The following ICE2 variants were observed in gnomAD, a reference collection of about 807,000 sequenced individuals.
The protein encoded by ICE2 is little elongation complex subunit 2.
A neutral mutation model predicts 105.4 loss-of-function variants in ICE2; 87 were observed. The ratio of observed to expected loss-of-function variants is 0.83; its 90% CI spans 0.69 to 0.99. ICE2 has a LOEUF of 0.99. Among genes scored for constraint, ICE2 ranks in the 50% least tolerant of loss-of-function variants. The pLI is 0.00. For missense variants in ICE2, 1,323 were observed against 1,146.7 expected, an observed-to-expected ratio of 1.15 and a Z score of -2.22; for synonymous variants, 399 against 392.0, an observed-to-expected ratio of 1.02 and a Z score of -0.21.
intron 6 of ICE2, 93 bp downstream of exon 6, chr15:60,456,562 AAT>A (rs1319480770): frequency 3.2e-5 from 2 of 63,102 alleles, no homozygotes; most frequent in African/African-American, 8.5e-5. Flanking sequence ...TAAATAAATA[AAT>A]AAATATATAT....
chr15:60,463,071 T>C (rs1853103814), intron 5 of ICE2, among the ~76,000 whole-genome samples: 2 of 152,202 alleles, frequency 1.3e-5, no homozygotes, highest in South Asian at 4.1e-4. Context: ...TAGATGATTA[T>C]GCCTAATTGT....
chr15:60,445,889 GAAAT>G (rs1418730154), intron 11 of ICE2: 2 of 498,186 alleles, frequency 4.0e-6, no homozygotes, highest in Non-Finnish European at 5.2e-6. Flanking sequence ...AAGAATCAAA[GAAAT>G]AAAACCTTGA....
At chr15:60,467,291 G>A (rs1003911350) in intron 4 of ICE2, among the ~76,000 whole-genome samples, 3 of 151,824 alleles carry the variant, frequency 2.0e-5, no homozygotes, top group African/African-American at 7.3e-5. Flanking sequence ...ACATACATCC[G>A]AATAGAAAAA....
intron 11 of ICE2, among the ~76,000 whole-genome samples, chr15:60,446,772 C>T (rs1419225190): frequency 6.6e-6 from 1 of 152,120 alleles, no homozygotes; most frequent in Non-Finnish European, 1.5e-5. Context: ...AGTCTGGATT[C>T]ACCTGATCCC....
chr15:60,468,375 A>C (rs2064490072), intron 3 of ICE2, 53 bp from the exon 4 acceptor site: 1 of 1,346,960 alleles, frequency 7.4e-7, no homozygotes, highest in African/African-American at 1.5e-5. Flanking sequence ...GAAGATTACT[A>C]TCATGGAACT....
At chr15:60,467,960 A>T (rs535887346) in intron 4 of ICE2, 101 bp downstream of exon 4, 162 of 1,063,458 alleles carry the variant, frequency 1.5e-4, no homozygotes, top group Non-Finnish European at 1.7e-4. Context: ...TTTCCATTTT[A>T]AAAAAAATGA....
At chr15:60,477,236 C>A (rs2064786782) in intron 2 of ICE2, among the ~76,000 whole-genome samples, 1 of 152,158 alleles carries the variant, frequency 6.6e-6, no homozygotes, top group Non-Finnish European at 1.5e-5. Flanking sequence ...TAAGTTTCTG[C>A]ACATCATATA....
At chr15:60,474,061 C>G (rs2141169854) in intron 3 of ICE2, among the ~76,000 whole-genome samples, 1 of 152,148 alleles carries the variant, frequency 6.6e-6, no homozygotes. Context: ...TGTGCCACTA[C>G]ACACAGCAAA....
intron 11 of ICE2, 132 bp downstream of exon 11, chr15:60,447,838 A>G (rs527650023): frequency 2.2e-4 from 162 of 734,018 alleles, no homozygotes; most frequent in Non-Finnish European, 3.1e-4. Flanking sequence ...TAAAAACAAA[A>G]AACAAAAAAC....
At chr15:60,466,490 AAC>A in intron 5 of ICE2, 102 bp downstream of exon 5, 1 of 1,332,978 alleles carries the variant, frequency 7.5e-7, no homozygotes, top group Non-Finnish European at 1.0e-6. Flanking sequence ...TTAAATTGGT[AAC>A]ACTGACAGTT....
intron 3 of ICE2, among the ~76,000 whole-genome samples, chr15:60,471,531 A>G (rs2064592968): frequency 6.6e-6 from 1 of 152,228 alleles, no homozygotes; most frequent in Non-Finnish European, 1.5e-5. Flanking sequence ...TGACTCAGAT[A>G]CGCCAGACTA....
At chr15:60,437,400 T>A (rs954118557) in intron 12 of ICE2, among the ~76,000 whole-genome samples, 2 of 151,686 alleles carry the variant, frequency 1.3e-5, no homozygotes, top group Non-Finnish European at 2.9e-5. Context: ...AGTAGCATGA[T>A]CTTGGCTCAC....
Position 60,448,101 on chromosome 15 carries a change from A to T in ICE2, c.2164T>A (p.Tyr722Asn). ...AAATTTCCTTCCTGAGGAGCTAGGT[A>T]TTCCGATGTATCTTCAACATAGTCC... ...LQDYVEDTSE[Y>N]LAPQEGNFVY... is the part of the protein sequence containing the mutation. Residue 722 changes from tyrosine (Y) to asparagine (N), a missense_variant, in exon 11 of 16, where the codon TAC becomes AAC. By Grantham distance (143) the Tyr-to-Asn change is moderately radical. Transcript: ENST00000261520. The T allele has an allele frequency of 5.6e-6, 9 of 1,612,878 alleles. No homozygotes were observed. Among genetic ancestry groups the T allele is most frequent in the Non-Finnish European group, 7.6e-6 (9 of 1,179,012 alleles).
At chr15:60,431,822 G>A (rs980299963) in intron 14 of ICE2, 112 bp downstream of exon 14, 4 of 562,074 alleles carry the variant, frequency 7.1e-6, no homozygotes, top group Admixed American at 7.4e-5. Context: ...AATAATTTTT[G>A]CATTTCTAGG....
chr15:60,452,266 G>C, intron 9 of ICE2: 2 of 911,450 alleles, frequency 2.2e-6, no homozygotes, highest in Non-Finnish European at 2.6e-6. Context: ...AAAACCAAAA[G>C]GCCAATATCC....
In ICE2 at chr15:60,446,522, C is replaced by G. The variant is rs373415575; in HGVS notation, c.2295+1448G>C. 9.8e-4 allele frequency among the ~76,000 whole-genome samples: 149 copies of G among 152,212 alleles called. 1 individual carries two copies. Among genetic ancestry groups the G allele is most frequent in the African/African-American group, 3.5e-3 (144 of 41,536 alleles). ...GCCATTCTCCAGCCTCAGCCTCCCA[C>G]GTAGCTGGGACTACAGGCGCCTGCC... On this transcript the variant is annotated intron_variant, in intron 11 of 15. Coordinates refer to ENST00000261520, the MANE Select transcript of ICE2 (RefSeq NM_024611.6).
chr15:60,463,217 G>A (rs998544113), intron 5 of ICE2, among the ~76,000 whole-genome samples: 1 of 152,178 alleles, frequency 6.6e-6, no homozygotes, highest in Non-Finnish European at 1.5e-5. Flanking sequence ...AGAAGCATCT[G>A]TATATCGAAC....
intron 15 of ICE2, among the ~76,000 whole-genome samples, chr15:60,425,473 G>C (rs1016955675): frequency 1.3e-5 from 2 of 152,282 alleles, no homozygotes; most frequent in Middle Eastern, 3.4e-3. Context: ...AAGAAAAAAG[G>C]GATAAGTGTG....
rs2063234062 is a variant in ICE2, at chr15:60,420,699, T to C, written c.*2935A>G. 1 of 152,202 alleles carries C rather than the reference T, an allele frequency of 6.6e-6. No homozygotes were observed. Among genetic ancestry groups the C allele is most frequent in the South Asian group, 2.1e-4 (1 of 4,832 alleles). The allele number at this position is 152,202 out of a possible 1,614,324, so 9.4% of individuals were successfully genotyped here. A position where few individuals can be genotyped will look rare whatever the true frequency, so the allele number is the denominator to read the frequency against. On this transcript the variant is annotated 3_prime_UTR_variant, in exon 16 of 16. Transcript: ENST00000261520. ...ACCTTTAATTTTCCCTTATAAATCC[T>C]ACTATTTTTAAAAGACTCAGCTCAA...
Sources: gnomAD v4.1 joint callset for allele counts (sites outside exome capture counted in the v4.1 genomes callset) on GRCh38, gnomAD v4.1.1 for gene constraint, MANE v1.5 for transcripts, NCBI Gene and HGNC (gene_info 2026-07-23, HGNC 2026-07-21) for gene names.